The following FRMD4B variants were observed in gnomAD, a reference collection of about 807,000 sequenced individuals.
The protein encoded by FRMD4B is FERM domain containing 4B.
Under a neutral mutation model 141.5 loss-of-function variants are expected in FRMD4B, and 74 were observed. The observed-to-expected ratio is 0.52, with a 90% CI of 0.43 to 0.63. The LOEUF (loss-of-function observed/expected upper bound fraction) is 0.63. Ranked by LOEUF, FRMD4B falls within the 30% of genes least tolerant of loss-of-function variation. The probability of loss-of-function intolerance (pLI) is 0.00; values close to 1 mark genes in which losing one functional copy is unlikely to be tolerated. For missense variants in FRMD4B, 1,366 were observed against 1,253.4 expected (o/e 1.09, Z -1.36); for synonymous variants, 506 against 467.9 (o/e 1.08, Z -1.05).
intron 5 of FRMD4B, among the ~76,000 whole-genome samples, chr3:69,256,037 C>T (rs532964255): frequency 7.2e-4 from 109 of 152,138 alleles, no homozygotes; most frequent in Non-Finnish European, 1.2e-3. Flanking sequence ...TCCGAGGCTG[C>T]TGTGAGCTGT....
At chr3:69,189,838 A>G in intron 18 of FRMD4B, 58 bp downstream of exon 18, 1 of 1,033,304 alleles carries the variant, frequency 9.7e-7, no homozygotes, top group Non-Finnish European at 1.5e-6. Context: ...TAAGAAAATT[A>G]TCTTAATTAT....
At chr3:69,289,372 T>C (rs1319699430) in intron 4 of FRMD4B, among the ~76,000 whole-genome samples, 2 of 152,218 alleles carry the variant, frequency 1.3e-5, no homozygotes, top group African/African-American at 4.8e-5. Context: ...TAGACAACAA[T>C]CAAGTCTTAC....
intron 2 of FRMD4B, among the ~76,000 whole-genome samples, chr3:69,420,808 C>T (rs1242529018): frequency 6.6e-6 from 1 of 152,158 alleles, no homozygotes; most frequent in African/African-American, 2.4e-5. Context: ...AAGCCAAAAG[C>T]CCTTTGGAAA....
chr3:69,364,013 G>C (rs970665743), intron 1 of FRMD4B, among the ~76,000 whole-genome samples: 11 of 152,198 alleles, frequency 7.2e-5, no homozygotes, highest in African/African-American at 2.2e-4. Flanking sequence ...CACTGGGTTA[G>C]AGACCAATCA....
chr3:69,383,102 A>G (rs916248220), intron 1 of FRMD4B, among the ~76,000 whole-genome samples: 5 of 152,148 alleles, frequency 3.3e-5, no homozygotes, highest in South Asian at 2.1e-4. Flanking sequence ...TCTTTTATCA[A>G]TCTCTGTGAT....
chr3:69,320,508 G>T (rs970153401), intron 1 of FRMD4B, among the ~76,000 whole-genome samples: 1 of 152,108 alleles, frequency 6.6e-6, no homozygotes, highest in Non-Finnish European at 1.5e-5. Flanking sequence ...CAGGAGGATC[G>T]CTGGAGCCCA....
chr3:69,306,272 A>G (rs569455776), intron 3 of FRMD4B: 3 of 152,350 alleles, frequency 2.0e-5, no homozygotes, highest in African/African-American at 7.2e-5. Flanking sequence ...AGACAATCAT[A>G]TCTACCCCTC....
chr3:69,430,998 G>A (rs1485471890), intron 2 of FRMD4B, among the ~76,000 whole-genome samples: 1 of 152,140 alleles, frequency 6.6e-6, no homozygotes, highest in East Asian at 1.9e-4. Context: ...AAGACTTAAA[G>A]GAAAAAGATA....
intron 19 of FRMD4B, among the ~76,000 whole-genome samples, chr3:69,187,343 C>A (rs1389874558): frequency 6.6e-6 from 1 of 151,464 alleles, no homozygotes; most frequent in African/African-American, 2.4e-5. Context: ...GTTGGGAGTT[C>A]GAGACCACCC....
intron 19 of FRMD4B, among the ~76,000 whole-genome samples, chr3:69,184,208 A>G (rs1334519345): frequency 1.3e-5 from 2 of 152,188 alleles, no homozygotes; most frequent in Non-Finnish European, 2.9e-5. Flanking sequence ...CGCTGCCTGT[A>G]TAATCTGATA....
At chr3:69,375,369 A>T (rs1376387331) in intron 1 of FRMD4B, among the ~76,000 whole-genome samples, 1 of 152,108 alleles carries the variant, frequency 6.6e-6, no homozygotes, top group East Asian at 1.9e-4. Flanking sequence ...GTCCATCCAT[A>T]TAACATCTAA....
At chr3:69,421,444 A>G (rs1224466785) in intron 2 of FRMD4B, among the ~76,000 whole-genome samples, 1 of 152,178 alleles carries the variant, frequency 6.6e-6, no homozygotes, top group African/African-American at 2.4e-5. Context: ...GGGACTGGAG[A>G]GCACATGTTT....
chr3:69,189,422 T>A (rs990120376), intron 18 of FRMD4B, among the ~76,000 whole-genome samples: 1 of 152,130 alleles, frequency 6.6e-6, no homozygotes, highest in Non-Finnish European at 1.5e-5. Flanking sequence ...TTGTAAAACA[T>A]ACAATGATTT....
intron 3 of FRMD4B, among the ~76,000 whole-genome samples, chr3:69,310,139 A>G (rs1255791158): frequency 6.6e-6 from 1 of 152,144 alleles, no homozygotes; most frequent in Non-Finnish European, 1.5e-5. Flanking sequence ...TCCAGAATCA[A>G]GTTTTCAGGT....
Position 69,224,612 on chromosome 3 carries a change from G to A in FRMD4B, c.660C>T (p.Ala220=). 2 of 1,530,114 alleles carry A rather than the reference G, an allele frequency of 1.3e-6. No individual in the cohort carries two copies. The highest frequency in any genetic ancestry group is 1.8e-6 in the Non-Finnish European group (2 of 1,108,920). 94.8% of individuals were successfully genotyped at this position (1,530,114 alleles called of 1,614,324 possible). A position where few individuals can be genotyped will look rare whatever the true frequency, so the allele number is the denominator to read the frequency against. ...GTTATGTGGATTTGGCTTACCAGTAGGCAAGGGATGGATGCTCCTGAAGAG... is the reference window on the plus strand; with the variant it reads ...GTTATGTGGATTTGGCTTACCAGTAAGCAAGGGATGGATGCTCCTGAAGAG... ...TKTLQEHPSL[A]YCEDRVIEHY... The change falls in exon 8 of 23, where the codon GCC becomes GCT. Residue 220 remains alanine (A), a synonymous_variant. Transcript: ENST00000398540.
chr3:69,456,028 A>ACT (rs1705603673), intron 1 of FRMD4B, among the ~76,000 whole-genome samples: 1 of 152,290 alleles, frequency 6.6e-6, no homozygotes, highest in African/African-American at 2.4e-5. Flanking sequence ...GACTTAGTTT[A>ACT]GTTTCTGGCA....
At chr3:69,286,236 A>G (rs1011599246) in intron 5 of FRMD4B, among the ~76,000 whole-genome samples, 1 of 152,232 alleles carries the variant, frequency 6.6e-6, no homozygotes, top group Admixed American at 6.5e-5. Flanking sequence ...TGCTAACTCC[A>G]TGGGTAAATA....
rs752658505 is a variant in FRMD4B at position 69,181,599 on chromosome 3, G to C, written c.2151C>G (p.Ser717=). ...GGATTTCTGTGCTGCTGCTTCTTTG[G>C]GATTTGGAGAGGGAGAAAAATGGCT... ...SDKPFFSLSK[S]QRSSSTEILD... is the part of the protein sequence containing the mutation. The change falls in exon 21 of 23, where the codon TCC becomes TCG. Residue 717 remains serine, a synonymous_variant. Transcript: ENST00000398540. 8 of 1,613,674 alleles carry C rather than the reference G, an allele frequency of 5.0e-6. No homozygotes were observed. The Middle Eastern group carries it at 6.6e-4, about 133-fold the overall frequency.
intron 1 of FRMD4B, among the ~76,000 whole-genome samples, chr3:69,514,915 G>A (rs958943207): frequency 6.6e-6 from 1 of 151,842 alleles, no homozygotes; most frequent in Admixed American, 6.6e-5. Flanking sequence ...AAATACTTTT[G>A]AAAAAAATGA....
Sources: gnomAD v4.1 joint callset for allele counts (sites outside exome capture counted in the v4.1 genomes callset) on GRCh38, gnomAD v4.1.1 for gene constraint, MANE v1.5 for transcripts, NCBI Gene and HGNC (gene_info 2026-07-23, HGNC 2026-07-21) for gene names.